The following C4orf17 variants were observed in gnomAD, a reference collection of about 807,000 sequenced individuals.
C4orf17 encodes the protein uncharacterized protein C4orf17.
In C4orf17, 25 loss-of-function variants were observed where a neutral mutation model predicts 32.0. That is an observed-to-expected ratio of 0.78 (90% CI 0.57 to 1.09). The LOEUF (loss-of-function observed/expected upper bound fraction) is 1.09. Ranked by LOEUF, C4orf17 falls within the 50% of genes least tolerant of loss-of-function variation. C4orf17 has a pLI of 0.00. For missense variants in C4orf17, 420 were observed against 420.0 expected (o/e 1.00, Z 0.00); for synonymous variants, 149 against 145.8 (o/e 1.02, Z -0.16).
intron 5 of C4orf17, 114 bp from the exon 6 acceptor site, chr4:99,537,555 C>T (rs759160946): frequency 9.4e-5 from 69 of 732,890 alleles, no homozygotes; most frequent in Non-Finnish European, 9.5e-6. Context: ...AACTAAATTG[C>T]ACATCATATA....
chr4:99,530,002 A>G (rs765877411), intron 5 of C4orf17, 44 bp downstream of exon 5: 6 of 1,505,258 alleles, frequency 4.0e-6, no homozygotes, highest in Non-Finnish European at 5.4e-6. Context: ...AAACAGCATG[A>G]ATATACAAAA....
At chr4:99,518,791 C>T (rs1040756383) in intron 2 of C4orf17, among the ~76,000 whole-genome samples, 5 of 151,670 alleles carry the variant, frequency 3.3e-5, no homozygotes, top group African/African-American at 9.7e-5. Context: ...AGGCCCTTTC[C>T]CACCTCCGTC....
intron 3 of C4orf17, among the ~76,000 whole-genome samples, chr4:99,524,136 C>A (rs188903699): frequency 6.6e-6 from 1 of 151,876 alleles, no homozygotes; most frequent in Non-Finnish European, 1.5e-5. Flanking sequence ...CCCGCCACCA[C>A]GCCCGGCTAA....
At chr4:99,537,527 G>C in intron 5 of C4orf17, 142 bp from the exon 6 acceptor site, 4 of 630,614 alleles carry the variant, frequency 6.3e-6, no homozygotes, top group Non-Finnish European at 1.1e-5. Context: ...TCGAGCTCGT[G>C]AGTTAAAAAT....
intron 2 of C4orf17, among the ~76,000 whole-genome samples, chr4:99,519,018 T>G (rs980175183): frequency 1.3e-5 from 2 of 152,108 alleles, no homozygotes; most frequent in African/African-American, 4.8e-5. Flanking sequence ...GTGAAGGAGC[T>G]TTATTAGGAA....
intron 1 of C4orf17, 42 bp from the exon 2 acceptor site, chr4:99,512,947 C>A: frequency 1.2e-6 from 1 of 847,170 alleles, no homozygotes; most frequent in Non-Finnish European, 1.8e-6. Flanking sequence ...AAGAAAGTGA[C>A]AAGAAACTCT....
intron 5 of C4orf17, among the ~76,000 whole-genome samples, chr4:99,532,925 A>G (rs1723499513): frequency 6.6e-6 from 1 of 152,206 alleles, no homozygotes; most frequent in Non-Finnish European, 1.5e-5. Flanking sequence ...GATAAAGAGA[A>G]GTGTGGAAGA....
intron 4 of C4orf17, among the ~76,000 whole-genome samples, chr4:99,527,863 C>T (rs868010106): frequency 6.6e-6 from 1 of 152,152 alleles, no homozygotes; most frequent in African/African-American, 2.4e-5. Context: ...AGTTTTTAAT[C>T]ATGTATTTTG....
chr4:99,533,285 G>A (rs1022612314), intron 5 of C4orf17, among the ~76,000 whole-genome samples: 1 of 152,154 alleles, frequency 6.6e-6, no homozygotes, highest in South Asian at 2.1e-4. Flanking sequence ...GGGTGACAAA[G>A]TTGCAAACAA....
chr4:99,532,565 G>C (rs565057975), intron 5 of C4orf17, among the ~76,000 whole-genome samples: 1 of 152,218 alleles, frequency 6.6e-6, no homozygotes, highest in East Asian at 1.9e-4. Context: ...AGGAAGGAAG[G>C]AAAGCAAAGA....
At position 99,517,952 on chromosome 4, in the gene C4orf17, A is replaced by C. The variant is rs560110923; in HGVS notation, c.128-4548A>C. On this transcript the variant is annotated intron_variant, in intron 2 of 8. Coordinates refer to ENST00000326581, the MANE Select transcript of C4orf17 (RefSeq NM_032149.3). ...AAAAGCAAGGTCCCCCAACCAGTGTATCCTAACAAATAAATGGTGTTGTAA... is the reference window on the plus strand; with the variant it reads ...AAAAGCAAGGTCCCCCAACCAGTGTCTCCTAACAAATAAATGGTGTTGTAA... Among the ~76,000 whole-genome samples, 7 of 152,344 alleles carry C rather than the reference A, an allele frequency of 4.6e-5. 1 individual carries two copies. The South Asian group carries it at 1.2e-3, about 27-fold the overall frequency.
chr4:99,524,482 A>AGC (rs772067987), intron 3 of C4orf17, 39 bp from the exon 4 acceptor site: 2 of 1,235,894 alleles, frequency 1.6e-6, no homozygotes, highest in South Asian at 2.5e-5. Flanking sequence ...ATTCTTTTTC[A>AGC]GTTTAATCTA....
chr4:99,528,906 G>A (rs1723434107), intron 4 of C4orf17, among the ~76,000 whole-genome samples: 1 of 151,714 alleles, frequency 6.6e-6, no homozygotes, highest in Non-Finnish European at 1.5e-5. Context: ...ATCAGTTGAT[G>A]AGAAAAAAAA....
At chr4:99,541,725 C>A in intron 8 of C4orf17, 185 bp from the exon 9 acceptor site, 1 of 568,442 alleles carries the variant, frequency 1.8e-6, no homozygotes, top group Non-Finnish European at 3.1e-6. Context: ...GAACAAATAA[C>A]TCATTAAAGA....
At chr4:99,539,438 AT>A in intron 7 of C4orf17, 68 bp downstream of exon 7, 1 of 1,275,638 alleles carries the variant, frequency 7.8e-7, no homozygotes, top group Non-Finnish European at 1.1e-6. Context: ...TTCTCTTGTT[AT>A]TTATCTTTCA....
At chr4:99,535,049 T>C (rs1434052609) in intron 5 of C4orf17, among the ~76,000 whole-genome samples, 1 of 152,242 alleles carries the variant, frequency 6.6e-6, no homozygotes, top group Non-Finnish European at 1.5e-5. Context: ...TCTTTAAGAA[T>C]GTTGAATATT....
chr4:99,529,559 C>T (rs1307221192), intron 4 of C4orf17, among the ~76,000 whole-genome samples: 2 of 152,156 alleles, frequency 1.3e-5, no homozygotes, highest in African/African-American at 4.8e-5. Flanking sequence ...AAAGGTCATA[C>T]ATTGCATATT....
chr4:99,537,587 G>A, intron 5 of C4orf17, 82 bp from the exon 6 acceptor site: 1 of 954,634 alleles, frequency 1.0e-6, no homozygotes, highest in Non-Finnish European at 1.7e-6. Flanking sequence ...TTGGGAAGAT[G>A]GGATTCTGGA....
At chr4:99,522,278 T>G (rs1452532784) in intron 2 of C4orf17, among the ~76,000 whole-genome samples, 2 of 152,038 alleles carry the variant, frequency 1.3e-5, no homozygotes, top group African/African-American at 4.8e-5. Flanking sequence ...GGCCGGAGAT[T>G]TTAAGGAAGC....
Sources: allele counts gnomAD v4.1 joint callset (sites outside exome capture counted in the v4.1 genomes callset), GRCh38; gene constraint gnomAD v4.1.1; transcripts MANE v1.5; gene names NCBI Gene and HGNC (gene_info 2026-07-23, HGNC 2026-07-21).